COL14A1: variants seen among roughly 807,000 people sequenced by gnomAD.
COL14A1 encodes the protein collagen type XIV alpha 1 chain, also known as collagen alpha-1(XIV) chain.
COL14A1 carries 136 observed loss-of-function variants against 230.3 expected under a neutral mutation model. That is an observed-to-expected ratio of 0.59 (90% confidence interval 0.51 to 0.68). The LOEUF is 0.68. Among genes scored for constraint, COL14A1 ranks in the 30% least tolerant of loss-of-function variants. The pLI is 0.00. For synonymous variants in COL14A1, 792 were observed against 784.1 expected (o/e 1.01, Z -0.17); for missense variants, 1,976 against 2,215.8 (o/e 0.89, Z 2.17).
chr8:120,168,273 T>C (rs902374436), intron 5 of COL14A1, 26 bp downstream of exon 5: 2 of 1,519,218 alleles, frequency 1.3e-6, no homozygotes, highest in Non-Finnish European at 1.8e-6. Flanking sequence ...AATTAACTCA[T>C]ATTGGGAGTT....
chr8:120,370,331 T>C (rs780154182), intron 47 of COL14A1: 3 of 1,611,724 alleles, frequency 1.9e-6, no homozygotes, highest in Non-Finnish European at 8.5e-7. Flanking sequence ...CCTATCCTTA[T>C]TAAGATCTGA....
intron 1 of COL14A1, among the ~76,000 whole-genome samples, chr8:120,131,620 G>T (rs1043637818): frequency 6.6e-6 from 1 of 151,728 alleles, no homozygotes; most frequent in Non-Finnish European, 1.5e-5. Flanking sequence ...GACCTTTGTT[G>T]GGTCCATACT....
intron 24 of COL14A1, among the ~76,000 whole-genome samples, chr8:120,263,584 C>T (rs1348555846): frequency 6.6e-6 from 1 of 152,160 alleles, no homozygotes; most frequent in Non-Finnish European, 1.5e-5. Flanking sequence ...CTTGAAATGG[C>T]TTCTAGTCAA....
chr8:120,262,077 G>C (rs946591558), intron 23 of COL14A1, among the ~76,000 whole-genome samples: 46 of 152,088 alleles, frequency 3.0e-4, no homozygotes, highest in Admixed American at 6.6e-4. Flanking sequence ...GTGGTCTGTT[G>C]GGTGGTAATA....
chr8:120,171,640 A>G (rs1419568004), intron 5 of COL14A1, among the ~76,000 whole-genome samples: 1 of 152,136 alleles, frequency 6.6e-6, no homozygotes, highest in Non-Finnish European at 1.5e-5. Context: ...GTTGCGTTTC[A>G]GGCTTGCTGT....
rs1279837372 is a variant in COL14A1, at chr8:120,212,488, G to T, written c.1508G>T (p.Gly503Val). The T allele has an allele frequency of 5.6e-6, 9 of 1,613,554 alleles. No homozygotes were observed. The highest frequency in any genetic ancestry group is 1.7e-5 in the Admixed American group (1 of 59,990). Residue 503 changes from glycine to valine, a missense_variant, in exon 13 of 48, where the codon GGG (glycine) becomes GTG (valine). Around this residue, in one of 3 missense-constraint regions of COL14A1, gnomAD observed 1,791 missense variants for 2,019.5 expected, o/e 0.89. Transcript: ENST00000297848. The part of the protein sequence containing the change: ...GETHTDIELS[G>V]LLPNTEYTVT... ...ACCCACACAGATATTGAATTGAGTG[G>T]GTTGTTGCCCAATACAGAATACACA...
At position 120,173,564 on chromosome 8, in the gene COL14A1, C is replaced by CATCT. The variant is rs71306871; in HGVS notation, c.436+5337_436+5340dup. On this transcript the variant is annotated intron_variant, in intron 5 of 47. Coordinates refer to ENST00000297848, the MANE Select transcript of COL14A1 (RefSeq NM_021110.4). ...ATTCTCTTGCTCTCTAGCAATCAAT[C>CATCT]ATCTATCTATCTATCTATCTATCAT... 6.7e-3 allele frequency among the ~76,000 whole-genome samples: 1,006 copies of CATCT among 149,274 alleles called. 7 individuals carry two copies. The highest frequency in any genetic ancestry group is 0.02 in the African/African-American group (793 of 40,578).
At chr8:120,367,653 G>A (rs191299718) in intron 46 of COL14A1, among the ~76,000 whole-genome samples, 3 of 151,986 alleles carry the variant, frequency 2.0e-5, no homozygotes, top group East Asian at 1.9e-4. Context: ...AAGGCACATC[G>A]GGCTGGGTGC....
intron 46 of COL14A1, among the ~76,000 whole-genome samples, chr8:120,368,942 T>C (rs1336131153): frequency 6.6e-6 from 1 of 152,222 alleles, no homozygotes; most frequent in Non-Finnish European, 1.5e-5. Flanking sequence ...GCTCTGAGTG[T>C]GTTCATGTTT....
chr8:120,182,935 C>G (rs1051582660), intron 5 of COL14A1, among the ~76,000 whole-genome samples: 7 of 151,890 alleles, frequency 4.6e-5, no homozygotes, highest in Admixed American at 2.6e-4. Context: ...CCATATTGCC[C>G]AGGGTGGTCT....
At chr8:120,210,492 TAA>T (rs1817586409) in intron 12 of COL14A1, among the ~76,000 whole-genome samples, 2 of 152,208 alleles carry the variant, frequency 1.3e-5, no homozygotes, top group Non-Finnish European at 2.9e-5. Flanking sequence ...TACACTGAAT[TAA>T]GTTTTTTCTT....
At chr8:120,158,796 G>A (rs771452939) in intron 3 of COL14A1, among the ~76,000 whole-genome samples, 1 of 151,990 alleles carries the variant, frequency 6.6e-6, no homozygotes, top group Non-Finnish European at 1.5e-5. Context: ...ATTTAAAGAA[G>A]CTTTAAATTA....
At chr8:120,273,022 C>A (rs557630332) in intron 26 of COL14A1, among the ~76,000 whole-genome samples, 2 of 151,746 alleles carry the variant, frequency 1.3e-5, no homozygotes, top group East Asian at 1.9e-4. Context: ...GAACATTTTC[C>A]AAGCTAGACC....
chr8:120,136,077 A>G (rs1814699814), intron 1 of COL14A1, among the ~76,000 whole-genome samples: 1 of 151,858 alleles, frequency 6.6e-6, no homozygotes, highest in South Asian at 2.1e-4. Context: ...CTTCCTTCCC[A>G]TTCTTTCTGC....
At chr8:120,294,131 C>A (rs1035110405) in intron 34 of COL14A1, among the ~76,000 whole-genome samples, 55 of 151,034 alleles carry the variant, frequency 3.6e-4, no homozygotes, top group African/African-American at 1.2e-3. Context: ...AGCTTTACTT[C>A]AAATTATAAA....
chr8:120,212,441 T>C lies in COL14A1; in HGVS notation c.1468-7T>C, dbSNP rs373039626. On this transcript the variant is annotated splice_region_variant and splice_polypyrimidine_tract_variant and intron_variant, in intron 12 of 47. Coordinates refer to ENST00000297848, the MANE Select transcript of COL14A1 (RefSeq NM_021110.4). ...GCAAATGATCTAACAACATGTGTTC[T>C]TTTCAGATGAAAATTGGAGAGACCC... 3.7e-6 allele frequency: 6 copies of C among 1,612,678 alleles called. No individual in the cohort carries two copies. Among genetic ancestry groups the C allele is most frequent in the Non-Finnish European group, 5.1e-6 (6 of 1,179,132 alleles).
chr8:120,250,867 G>C, intron 22 of COL14A1, 101 bp downstream of exon 22: 2 of 1,368,960 alleles, frequency 1.5e-6, no homozygotes, highest in South Asian at 1.3e-5. Flanking sequence ...GAGTGCGCTG[G>C]TGCGATCTGG....
chr8:120,188,114 G>A (rs986124840), intron 5 of COL14A1, among the ~76,000 whole-genome samples: 25 of 148,622 alleles, frequency 1.7e-4, no homozygotes, highest in Admixed American at 2.7e-4. Flanking sequence ...ATGGCGTCTC[G>A]TTCTGTCACC....
At chr8:120,151,844 A>T (rs542815570) in intron 2 of COL14A1, among the ~76,000 whole-genome samples, 5 of 152,076 alleles carry the variant, frequency 3.3e-5, no homozygotes, top group Non-Finnish European at 7.4e-5. Context: ...ATGTAACTGC[A>T]AAAAGTTTTA....
Sources: gnomAD v4.1 joint callset for allele counts (sites outside exome capture counted in the v4.1 genomes callset) on GRCh38, gnomAD v4.1.1 for gene constraint, gnomAD v4.1.1 regional missense constraint, MANE v1.5 for transcripts, NCBI Gene and HGNC (gene_info 2026-07-23, HGNC 2026-07-21) for gene names.